Variants in BEND7 observed in about 807,000 individuals in gnomAD.
BEND7 encodes the protein BEN domain containing 7.
Under a neutral mutation model 50.9 loss-of-function variants are expected in BEND7, and 28 were observed. The ratio of observed to expected loss-of-function variants is 0.55; its 90% confidence interval spans 0.41 to 0.75. BEND7 has a LOEUF of 0.75. Ranked by LOEUF, BEND7 falls within the 30% of genes least tolerant of loss-of-function variation. The pLI, the probability that BEND7 is intolerant of heterozygous loss-of-function variation, is 0.00. For synonymous variants in BEND7, 170 were observed against 183.9 expected (o/e 0.92, Z 0.61); for missense variants, 477 against 491.3 (o/e 0.97, Z 0.28).
chr10:13,439,395 A>G (rs955043606), downstream of BEND7: 16 of 1,614,180 alleles, frequency 9.9e-6, no homozygotes, highest in Non-Finnish European at 1.3e-5. Flanking sequence ...GGGTTCTGCC[A>G]TCTGTCCCTT....
At chr10:13,502,192 G>A (rs1010823579) in intron 2 of BEND7, among the ~76,000 whole-genome samples, 1 of 152,066 alleles carries the variant, frequency 6.6e-6, no homozygotes, top group African/African-American at 2.4e-5. Flanking sequence ...ATTAATATAT[G>A]TGTTATGTTA....
intron 1 of BEND7, among the ~76,000 whole-genome samples, chr10:13,526,621 C>T (rs556230716): frequency 1.1e-4 from 17 of 152,256 alleles, no homozygotes; most frequent in Non-Finnish European, 2.4e-4. Context: ...TAAAGTTTAG[C>T]CAGCACTCTA....
chr10:13,492,307 C>T (rs914919991), intron 5 of BEND7, among the ~76,000 whole-genome samples: 3 of 152,128 alleles, frequency 2.0e-5, no homozygotes, highest in Non-Finnish European at 4.4e-5. Context: ...TAGGTCTCTA[C>T]ACTAAGGAAA....
downstream of BEND7, chr10:13,439,286 T>A: frequency 6.2e-7 from 1 of 1,614,166 alleles, no homozygotes; most frequent in Non-Finnish European, 8.5e-7. Flanking sequence ...TTATGAGGAA[T>A]GAATGGTGCT....
At position 13,496,840 on chromosome 10, in the gene BEND7, C is replaced by T. The variant is rs1324430546; in HGVS notation, c.497G>A (p.Cys166Tyr). ...NSSAGSNCCT[C>Y]NCQSTLQAIL... is the part of the protein sequence containing the mutation. ...GGCCTGCAACGTTGACTGGCAGTTA[C>T]AAGTACAGCAGTTTGATCCAGCTGA... Residue 166 changes from cysteine (C) to tyrosine (Y), a missense_variant, in exon 4 of 9, where the codon TGT (cysteine) becomes TAT (tyrosine). Coordinates refer to ENST00000466271, the MANE Select transcript of BEND7 (RefSeq NM_001369863.1). 6.3e-7 allele frequency: 1 copy of T among 1,590,534 alleles called. No homozygotes were observed. The highest frequency in any genetic ancestry group is 2.3e-5 in the East Asian group (1 of 42,756).
At chr10:13,498,124 G>A (rs976471034) in intron 3 of BEND7, among the ~76,000 whole-genome samples, 3 of 141,248 alleles carry the variant, frequency 2.1e-5, no homozygotes, top group Admixed American at 7.5e-5. Flanking sequence ...TGCACAGGCT[G>A]GAGTGCACTG....
chr10:13,460,373 C>T (rs1839967178), intron 6 of BEND7, among the ~76,000 whole-genome samples: 1 of 152,210 alleles, frequency 6.6e-6, no homozygotes, highest in South Asian at 2.1e-4. Context: ...ACATTCCACT[C>T]TAGAAACCAA....
At chr10:13,526,094 G>C (rs1247657542) in intron 2 of BEND7, 44 bp downstream of exon 2, 1 of 1,059,842 alleles carries the variant, frequency 9.4e-7, no homozygotes, top group African/African-American at 1.7e-5. Flanking sequence ...AATTGCAAAT[G>C]GTCACGATGT....
At chr10:13,521,470 C>T (rs2079074367) in intron 2 of BEND7, among the ~76,000 whole-genome samples, 1 of 152,236 alleles carries the variant, frequency 6.6e-6, no homozygotes, top group Non-Finnish European at 1.5e-5. Context: ...CCAAGAGACA[C>T]TCCTGGTCAT....
chr10:13,503,863 T>C (rs2077667236), intron 2 of BEND7, among the ~76,000 whole-genome samples: 1 of 152,084 alleles, frequency 6.6e-6, no homozygotes, highest in South Asian at 2.1e-4. Context: ...GAAAGTTTCT[T>C]AGGGGAGATG....
chr10:13,527,162 C>T (rs185902096), intron 1 of BEND7, among the ~76,000 whole-genome samples: 30 of 152,266 alleles, frequency 2.0e-4, no homozygotes, highest in Non-Finnish European at 3.7e-4. Flanking sequence ...ATAGCACCAA[C>T]AGGGCAATCA....
intron 2 of BEND7, among the ~76,000 whole-genome samples, chr10:13,502,578 G>T (rs1378338577): frequency 1.3e-5 from 2 of 152,168 alleles, no homozygotes; most frequent in Non-Finnish European, 2.9e-5. Context: ...GTCTGGAAGA[G>T]GTCCCAAAGG....
At chr10:13,492,439 C>T (rs2076730449) in intron 5 of BEND7, among the ~76,000 whole-genome samples, 172 bp downstream of exon 5, 1 of 152,234 alleles carries the variant, frequency 6.6e-6, no homozygotes, top group South Asian at 2.1e-4. Flanking sequence ...TAAGGCATCA[C>T]ATTTTCAGAA....
intron 6 of BEND7, among the ~76,000 whole-genome samples, chr10:13,463,373 A>G (rs942456673): frequency 3.3e-5 from 5 of 152,200 alleles, no homozygotes; most frequent in Non-Finnish European, 7.3e-5. Flanking sequence ...CATGACCTAT[A>G]AGATCTTAAG....
At chr10:13,477,255 TG>T (rs1227620728) in intron 6 of BEND7, among the ~76,000 whole-genome samples, 1 of 152,224 alleles carries the variant, frequency 6.6e-6, no homozygotes, top group Non-Finnish European at 1.5e-5. Context: ...AGTCTTCATA[TG>T]TTCCTAGATA....
chr10:13,496,670 A>C (rs2077042170), intron 4 of BEND7, 96 bp downstream of exon 4: 4 of 1,395,704 alleles, frequency 2.9e-6, no homozygotes, highest in Non-Finnish European at 3.9e-6. Context: ...CAAGGTGAGA[A>C]GAAGGCTTTA....
At chr10:13,500,616 G>T (rs910341091) in intron 2 of BEND7, 6 of 986,448 alleles carry the variant, frequency 6.1e-6, no homozygotes, top group Non-Finnish European at 7.2e-6. Context: ...GACTGGCAGG[G>T]ATGCAGGGCT....
At chr10:13,516,078 C>T (rs553708541) in intron 2 of BEND7, among the ~76,000 whole-genome samples, 6 of 152,282 alleles carry the variant, frequency 3.9e-5, no homozygotes, top group South Asian at 4.1e-4. Flanking sequence ...TGGTTTAACA[C>T]GGAACTCATT....
In BEND7 at chr10:13,441,755, A is replaced by G; in HGVS notation, c.1235-5T>C. On this transcript the variant is annotated splice_polypyrimidine_tract_variant and splice_region_variant and intron_variant, in intron 8 of 8. Coordinates refer to ENST00000466271, the MANE Select transcript of BEND7 (RefSeq NM_001369863.1). ...TTGCAGTCCTTCATCAGACCACTTGAGAAAACAAAGGGACTGTTGTCAGGA... is the reference window on the plus strand; with the variant it reads ...TTGCAGTCCTTCATCAGACCACTTGGGAAAACAAAGGGACTGTTGTCAGGA... The G allele has an allele frequency of 3.1e-6, 5 of 1,613,992 alleles. No individual in the cohort carries two copies. The highest frequency in any genetic ancestry group is 1.3e-5 in the African/African-American group (1 of 75,048).
Sources: gnomAD v4.1 joint callset for allele counts (sites outside exome capture counted in the v4.1 genomes callset) on GRCh38, gnomAD v4.1.1 for gene constraint, MANE v1.5 for transcripts, NCBI Gene and HGNC (gene_info 2026-07-23, HGNC 2026-07-21) for gene names.